Variants in ALLC observed in about 807,000 individuals in gnomAD.
ALLC encodes allantoicase.
In ALLC, 40 loss-of-function variants were observed where a neutral mutation model predicts 45.0. The ratio of observed to expected loss-of-function variants is 0.89; its 90% CI spans 0.69 to 1.16. The LOEUF is 1.16. Among genes scored for constraint, ALLC ranks in the 50% most tolerant of loss-of-function variants. The pLI, the probability that ALLC is intolerant of heterozygous loss-of-function variation, is 0.00. For missense variants in ALLC, 488 were observed against 493.1 expected, an observed-to-expected ratio of 0.99 and a Z score of 0.10; for synonymous variants, 176 against 178.1, an observed-to-expected ratio of 0.99 and a Z score of 0.09.
At chr2:3,665,501 C>T (rs1189452346) in intron 1 of ALLC, among the ~76,000 whole-genome samples, 4 of 152,152 alleles carry the variant, frequency 2.6e-5, no homozygotes, top group African/African-American at 4.8e-5. Flanking sequence ...ATGTGATGTT[C>T]CCCTTCCTGC....
chr2:3,672,128 G>T (rs1666894404), intron 2 of ALLC, among the ~76,000 whole-genome samples: 1 of 117,982 alleles, frequency 8.5e-6, no homozygotes, highest in Admixed American at 7.6e-5. Context: ...TAGATTGGAG[G>T]TCCTCTGGCT....
At chr2:3,698,654 T>TA (rs1667744360) in intron 10 of ALLC, among the ~76,000 whole-genome samples, 1 of 152,268 alleles carries the variant, frequency 6.6e-6, no homozygotes, top group African/African-American at 2.4e-5. Flanking sequence ...CTACAATTGT[T>TA]ATGTGACATT....
At chr2:3,674,917 T>A (rs1666982100) in intron 3 of ALLC, among the ~76,000 whole-genome samples, 1 of 152,246 alleles carries the variant, frequency 6.6e-6, no homozygotes. Flanking sequence ...CTGAAATGCA[T>A]GTCTACCTTG....
intron 10 of ALLC, among the ~76,000 whole-genome samples, chr2:3,700,140 T>C (rs1667785976): frequency 6.6e-6 from 1 of 152,244 alleles, no homozygotes; most frequent in Non-Finnish European, 1.5e-5. Flanking sequence ...GGGTTTTACA[T>C]TTAAGCCTTT....
At chr2:3,675,921 C>T (rs1667013526) in intron 3 of ALLC, among the ~76,000 whole-genome samples, 1 of 152,198 alleles carries the variant, frequency 6.6e-6, no homozygotes, top group African/African-American at 2.4e-5. Flanking sequence ...AGTAGCAGCT[C>T]CAGCATCTGG....
intron 8 of ALLC, 53 bp from the exon 9 acceptor site, chr2:3,696,222 T>C: frequency 7.0e-7 from 1 of 1,425,890 alleles, no homozygotes; most frequent in Non-Finnish European, 9.8e-7. Context: ...AATGTATTCA[T>C]CCTCATAGTT....
At chr2:3,691,223 CTT>C (rs142938843) in intron 7 of ALLC, among the ~76,000 whole-genome samples, 6,958 of 150,600 alleles carry the variant, frequency 0.046, 228 homozygotes, top group Non-Finnish European at 0.072. Context: ...CTTCTTTTCT[CTT>C]GCTGCTTTTA....
intron 1 of ALLC, among the ~76,000 whole-genome samples, chr2:3,665,792 A>G (rs998112066): frequency 2.0e-5 from 3 of 152,166 alleles, no homozygotes; most frequent in African/African-American, 4.8e-5. Flanking sequence ...ATGTATCTTT[A>G]TAGTAGAACT....
At chr2:3,657,099 G>A (rs987384432), upstream of ALLC, among the ~76,000 whole-genome samples, 4 of 152,180 alleles carry the variant, frequency 2.6e-5, no homozygotes, top group Non-Finnish European at 5.9e-5. Flanking sequence ...ATGTGGTTTC[G>A]TTCTTAAAGA....
rs1170761286 is a variant in ALLC, at chr2:3,679,879, G to A, written c.183G>A (p.Trp61Ter). Residue 61 changes from tryptophan (W) to a stop codon, truncating the protein, a stop_gained, in exon 5 of 12, where the codon TGG (tryptophan) becomes TGA (stop). Transcript: ENST00000252505. LOFTEE classifies it high-confidence loss of function. ...CTCTGTGTTGCGCAGGTCACGACTG[G>A]TGTGTCCTCAGGCTGGGGATCCAAG... ...TRRKRIPGHD[W>*]CVLRLGIQGV... The A allele has an allele frequency of 5.0e-6, 8 of 1,613,854 alleles. No homozygotes were observed. The highest frequency in any genetic ancestry group is 6.8e-6 in the Non-Finnish European group (8 of 1,179,894).
intron 10 of ALLC, among the ~76,000 whole-genome samples, chr2:3,697,854 G>C (rs1667723687): frequency 6.6e-6 from 1 of 151,962 alleles, no homozygotes; most frequent in East Asian, 1.9e-4. Flanking sequence ...TAGTAGAGAT[G>C]GGTTTTTGCC....
At chr2:3,674,524 G>C (rs1666971268) in intron 3 of ALLC, among the ~76,000 whole-genome samples, 1 of 152,204 alleles carries the variant, frequency 6.6e-6, no homozygotes, top group Non-Finnish European at 1.5e-5. Context: ...CGAACATAGG[G>C]AAGAAATGGC....
chr2:3,674,537 C>A lies in ALLC; in HGVS notation c.84+412C>A, dbSNP rs1292050668. On this transcript the variant is annotated intron_variant, in intron 3 of 11. Transcript: ENST00000252505. The stretch of plus-strand genomic sequence containing the variant: ...GACGAACATAGGGAAGAAATGGCGG[C>A]CCTGCTGGCGTCCTGCTCCTCCGTC... Among the ~76,000 whole-genome samples, 3 of 152,278 alleles carry A rather than the reference C, an allele frequency of 2.0e-5. No homozygotes were observed. In the East Asian group the frequency reaches 5.8e-4, roughly 29 times the overall value.
At chr2:3,649,648 G>A in the ALLC span, among the ~76,000 whole-genome samples, 3 of 152,252 alleles carry the variant, frequency 2.0e-5, no homozygotes, top group African/African-American at 7.2e-5. Context: ...TGGTTCAGGG[G>A]TGCGGGTGGC....
At chr2:3,668,242 G>A (rs10170315) in intron 1 of ALLC, among the ~76,000 whole-genome samples, 57,779 of 151,920 alleles carry the variant, frequency 0.38, 11,411 homozygotes, top group African/African-American at 0.48. Flanking sequence ...AGGGAGGCAA[G>A]GAGCAAACAC....
the ALLC span, among the ~76,000 whole-genome samples, chr2:3,648,055 T>TG: frequency 9.9e-3 from 1,513 of 152,186 alleles, 33 homozygotes; most frequent in African/African-American, 0.035. Flanking sequence ...CAATGGGCAG[T>TG]GGGTGTCCTG....
intron 1 of ALLC, among the ~76,000 whole-genome samples, chr2:3,660,074 T>A (rs1431460361): frequency 6.6e-6 from 1 of 152,198 alleles, no homozygotes; most frequent in Admixed American, 6.5e-5. Context: ...TCCCCCGTGT[T>A]GGAGGTGGGG....
upstream of ALLC, among the ~76,000 whole-genome samples, chr2:3,655,700 T>G (rs1370057182): frequency 6.6e-6 from 1 of 152,182 alleles, no homozygotes; most frequent in Non-Finnish European, 1.5e-5. Context: ...GCTCAAGGGA[T>G]CCTCCCGTCT....
intron 2 of ALLC, 76 bp downstream of exon 2, chr2:3,671,266 C>T (rs1666861062): frequency 6.6e-7 from 1 of 1,513,164 alleles, no homozygotes; most frequent in Admixed American, 1.9e-5. Flanking sequence ...TGCAGAGAAC[C>T]TCATGCAAGA....
Sources: allele counts gnomAD v4.1 joint callset (sites outside exome capture counted in the v4.1 genomes callset), GRCh38; gene constraint gnomAD v4.1.1; transcripts MANE v1.5; gene names NCBI Gene and HGNC (gene_info 2026-07-23, HGNC 2026-07-21).